Variants in RASSF3 observed in about 807,000 individuals in gnomAD.
The protein encoded by RASSF3 is Ras association domain family member 3, also known as ras association domain-containing protein 3.
Under a neutral mutation model 19.9 loss-of-function variants are expected in RASSF3, and 19 were observed. The ratio of observed to expected loss-of-function variants is 0.96; its 90% CI spans 0.67 to 1.40. The LOEUF is 1.40. Among genes scored for constraint, RASSF3 ranks in the 40% most tolerant of loss-of-function variants. The pLI is 0.00. For missense variants in RASSF3, 306 were observed against 289.8 expected, an observed-to-expected ratio of 1.06 and a Z score of -0.41; for synonymous variants, 110 against 104.2, an observed-to-expected ratio of 1.06 and a Z score of -0.34.
At chr12:64,654,940 C>G (rs1326002310) in intron 1 of RASSF3, 3 of 152,144 alleles carry the variant, frequency 2.0e-5, no homozygotes, top group African/African-American at 4.8e-5. Context: ...GTTGACTTCT[C>G]TCATCTCCAA....
chr12:64,513,642 C>G (rs769655685), intron 1 of RASSF3, among the ~76,000 whole-genome samples: 12 of 152,036 alleles, frequency 7.9e-5, no homozygotes, highest in African/African-American at 1.9e-4. Context: ...TAAGGGGTCT[C>G]AGATATGCAC....
chr12:64,658,899 T>C (rs1872248689), intron 1 of RASSF3, among the ~76,000 whole-genome samples: 1 of 152,190 alleles, frequency 6.6e-6, no homozygotes, highest in Non-Finnish European at 1.5e-5. Context: ...GCGAGACCCC[T>C]GTCTCTACAG....
chr12:64,544,863 T>C (rs779681426), downstream of RASSF3, among the ~76,000 whole-genome samples: 8 of 152,212 alleles, frequency 5.3e-5, no homozygotes, highest in Non-Finnish European at 1.0e-4. Context: ...TGCCACTTGT[T>C]TTTCCCTAAC....
chr12:64,565,005 T>C (rs1197993935), intron 2 of RASSF3, among the ~76,000 whole-genome samples: 1 of 151,698 alleles, frequency 6.6e-6, no homozygotes, highest in African/African-American at 2.4e-5. Context: ...GGTCTCGAAC[T>C]CCTGACCTCA....
chr12:64,665,557 A>G (rs574906152), intron 1 of RASSF3, among the ~76,000 whole-genome samples: 3 of 152,250 alleles, frequency 2.0e-5, no homozygotes, highest in African/African-American at 7.2e-5. Flanking sequence ...ACCTCTCCAT[A>G]AGACACGCCC....
intron 1 of RASSF3, among the ~76,000 whole-genome samples, chr12:64,516,900 G>A (rs1206072009): frequency 1.3e-5 from 2 of 149,650 alleles, no homozygotes; most frequent in African/African-American, 2.5e-5. Flanking sequence ...TCCGCAGGCG[G>A]AGGCAGGAGA....
intron 1 of RASSF3, among the ~76,000 whole-genome samples, chr12:64,676,628 C>T (rs187631109): frequency 6.6e-6 from 1 of 151,442 alleles, no homozygotes; most frequent in Admixed American, 6.6e-5. Flanking sequence ...CACGTCACCA[C>T]ACCTGGCTAA....
chr12:64,689,243 G>GTGTGTGTGTA (rs1206698990), intron 3 of RASSF3, among the ~76,000 whole-genome samples: 35 of 151,844 alleles, frequency 2.3e-4, no homozygotes, highest in African/African-American at 8.2e-4. Context: ...GTGTGTGTGT[G>GTGTGTGTGTA]TGTACAATAA....
upstream of RASSF3, among the ~76,000 whole-genome samples, chr12:64,610,337 C>A (rs551891061): frequency 1.6e-4 from 24 of 150,434 alleles, no homozygotes; most frequent in East Asian, 3.9e-4. Flanking sequence ...GGGCTCCCCC[C>A]ACCTGCGGGC....
chr12:64,653,391 C>T (rs553082797), intron 1 of RASSF3, among the ~76,000 whole-genome samples: 61 of 152,024 alleles, frequency 4.0e-4, no homozygotes, highest in Admixed American at 2.0e-4. Flanking sequence ...GCCTAATATC[C>T]CCTTTTCTTA....
At chr12:64,693,123 G>A (rs1322780124) in intron 4 of RASSF3, among the ~76,000 whole-genome samples, 1 of 147,442 alleles carries the variant, frequency 6.8e-6, no homozygotes, top group Non-Finnish European at 1.5e-5. Flanking sequence ...TAGAAGTTTT[G>A]CTCTCCTACT....
intron 2 of RASSF3, among the ~76,000 whole-genome samples, chr12:64,687,691 A>G (rs542252638): frequency 6.6e-6 from 1 of 152,330 alleles, no homozygotes; most frequent in African/African-American, 2.4e-5. Context: ...GTGCATATGA[A>G]TATAGCCACT....
At chr12:64,605,501 C>T (rs895001481), upstream of RASSF3, among the ~76,000 whole-genome samples, 5 of 152,004 alleles carry the variant, frequency 3.3e-5, no homozygotes, top group East Asian at 1.9e-4. Flanking sequence ...GAGAACAGAA[C>T]GTGGCAGAAA....
At chr12:64,627,997 G>A (rs995354768) in intron 1 of RASSF3, among the ~76,000 whole-genome samples, 14 of 152,188 alleles carry the variant, frequency 9.2e-5, no homozygotes, top group African/African-American at 3.4e-4. Flanking sequence ...AATTAGTTTA[G>A]AAACAGCTAT....
At chr12:64,617,634 C>T (rs555298164) in intron 1 of RASSF3, among the ~76,000 whole-genome samples, 268 of 152,236 alleles carry the variant, frequency 1.8e-3, no homozygotes, top group Non-Finnish European at 3.1e-3. Context: ...CTCCACTCAC[C>T]GCAACCTCTG....
At chr12:64,593,747 A>T (rs950331026) in intron 2 of RASSF3, among the ~76,000 whole-genome samples, 1 of 152,046 alleles carries the variant, frequency 6.6e-6, no homozygotes, top group African/African-American at 2.4e-5. Context: ...GCTGAATAGG[A>T]TTGCTCCTTT....
At chr12:64,618,914 T>A (rs1227586017) in intron 1 of RASSF3, among the ~76,000 whole-genome samples, 1 of 151,632 alleles carries the variant, frequency 6.6e-6, no homozygotes, top group Non-Finnish European at 1.5e-5. Flanking sequence ...ACCCTAAAAC[T>A]TAAAGTATAA....
chr12:64,562,795 T>A (rs1869370196), intron 2 of RASSF3, among the ~76,000 whole-genome samples: 1 of 152,060 alleles, frequency 6.6e-6, no homozygotes, highest in African/African-American at 2.4e-5. Context: ...TAATGTTTTT[T>A]AAAAATATAT....
chr12:64,651,174 C>A (rs1871938720), intron 1 of RASSF3, among the ~76,000 whole-genome samples: 1 of 151,964 alleles, frequency 6.6e-6, no homozygotes, highest in African/African-American at 2.4e-5. Flanking sequence ...ATGGGCTGTG[C>A]CTCTCTCGTG....
Sources: allele counts gnomAD v4.1 joint callset (sites outside exome capture counted in the v4.1 genomes callset), GRCh38; gene constraint gnomAD v4.1.1; transcripts MANE v1.5; gene names NCBI Gene and HGNC (gene_info 2026-07-23, HGNC 2026-07-21).